RALYL: variants seen among roughly 807,000 people sequenced by gnomAD.
RALYL encodes the protein RNA-binding Raly-like protein.
RALYL carries 29 observed loss-of-function variants against 35.1 expected under a neutral mutation model. That is an observed-to-expected ratio of 0.83 (90% confidence interval 0.61 to 1.13). The LOEUF (loss-of-function observed/expected upper bound fraction) is 1.13, where lower values mean the gene tolerates loss of function less well. RALYL is among the 50% of genes most tolerant of loss of function. RALYL has a pLI of 0.00. For missense variants in RALYL, 359 were observed against 360.4 expected (o/e 1.00, Z 0.03); for synonymous variants, 120 against 127.6 (o/e 0.94, Z 0.40).
At chr8:84,379,426 A>G (rs1214719691) in intron 1 of RALYL, among the ~76,000 whole-genome samples, 1 of 151,926 alleles carries the variant, frequency 6.6e-6, no homozygotes, top group Non-Finnish European at 1.5e-5. Flanking sequence ...AGTGTTTGTG[A>G]GTAAAAATGT....
chr8:84,319,344 G>T (rs942931426), intron 1 of RALYL, among the ~76,000 whole-genome samples: 1 of 152,072 alleles, frequency 6.6e-6, no homozygotes, highest in Non-Finnish European at 1.5e-5. Flanking sequence ...ATTTTTCAAA[G>T]AAAAGTTTCA....
chr8:84,455,587 A>G (rs751383663), intron 1 of RALYL, among the ~76,000 whole-genome samples: 5 of 152,056 alleles, frequency 3.3e-5, no homozygotes, highest in Non-Finnish European at 7.4e-5. Context: ...GGGTTTAAAT[A>G]TTGAAAAATG....
intron 2 of RALYL, among the ~76,000 whole-genome samples, chr8:84,696,390 C>G (rs1022467315): frequency 1.3e-4 from 19 of 151,828 alleles, no homozygotes; most frequent in African/African-American, 4.6e-4. Flanking sequence ...TAGGTAGTCA[C>G]AAGCTGAAAT....
At position 84,581,109 on chromosome 8, in the gene RALYL, G is replaced by T. The variant is rs569745716; in HGVS notation, c.256+51532G>T. 2.6e-5 allele frequency among the ~76,000 whole-genome samples: 4 copies of T among 152,302 alleles called. No homozygotes were observed. The East Asian group carries it at 7.7e-4, about 29-fold the overall frequency. On this transcript the variant is annotated intron_variant, in intron 2 of 8. Transcript: ENST00000521268. ...CATGTTGGGGCTCAGGACTCCAAGT[G>T]CAAGTGTTGCAGCAAATATGACCAA... is the stretch of plus-strand genomic sequence containing the variant.
chr8:84,431,694 C>G (rs1237111379), intron 1 of RALYL, among the ~76,000 whole-genome samples: 10 of 152,098 alleles, frequency 6.6e-5, no homozygotes, highest in African/African-American at 1.9e-4. Flanking sequence ...ATAATGTCCT[C>G]CAGGTTCATT....
chr8:84,779,495 T>C (rs1244323608), intron 3 of RALYL, among the ~76,000 whole-genome samples: 1 of 152,188 alleles, frequency 6.6e-6, no homozygotes, highest in East Asian at 1.9e-4. Flanking sequence ...TAAAAATCAA[T>C]CATCTGGTAC....
chr8:84,384,514 G>A (rs963095876), intron 1 of RALYL, among the ~76,000 whole-genome samples: 1 of 151,642 alleles, frequency 6.6e-6, no homozygotes, highest in Non-Finnish European at 1.5e-5. Context: ...TCTGGATAAA[G>A]AATAATACAC....
At chr8:84,857,995 C>T (rs1320552248) in intron 5 of RALYL, among the ~76,000 whole-genome samples, 2 of 151,942 alleles carry the variant, frequency 1.3e-5, no homozygotes, top group Non-Finnish European at 2.9e-5. Context: ...AATTAAATTA[C>T]CTTTGTCCAA....
At chr8:84,403,659 T>TATATGGGCTCTTTTTTGGTTCC (rs1057092479) in intron 1 of RALYL, among the ~76,000 whole-genome samples, 2 of 150,888 alleles carry the variant, frequency 1.3e-5, no homozygotes, top group African/African-American at 4.9e-5. Context: ...TCATCTTGGC[T>TATATGGGCTCTTTTTTGGTTCC]ATATGGGCTC....
intron 2 of RALYL, among the ~76,000 whole-genome samples, chr8:84,536,312 T>A (rs2059603406): frequency 6.6e-6 from 1 of 152,218 alleles, no homozygotes; most frequent in Non-Finnish European, 1.5e-5. Context: ...CAGGACGATC[T>A]TCAAATATAT....
At chr8:84,559,326 T>G (rs2061338750) in intron 2 of RALYL, among the ~76,000 whole-genome samples, 2 of 152,022 alleles carry the variant, frequency 1.3e-5, no homozygotes, top group Admixed American at 1.3e-4. Flanking sequence ...GAAGTCAGAG[T>G]GCAATTGTCT....
chr8:84,478,931 A>G (rs1355250680), intron 1 of RALYL, among the ~76,000 whole-genome samples: 11 of 142,570 alleles, frequency 7.7e-5, no homozygotes, highest in Admixed American at 5.8e-4. Context: ...CTAAAAATAC[A>G]AAACATTAGC....
chr8:84,604,063 T>C (rs763705238), intron 2 of RALYL, among the ~76,000 whole-genome samples: 5 of 152,130 alleles, frequency 3.3e-5, no homozygotes, highest in Non-Finnish European at 5.9e-5. Context: ...AAGCTAATCA[T>C]AGCTTCTTCC....
In RALYL at chr8:84,270,509, G is replaced by A. The variant is rs568323247; in HGVS notation, c.-24+86085G>A. On this transcript the variant is annotated intron_variant, in intron 1 of 8. Transcript: ENST00000521268. ...TATGTCCAAAGGAGTGCAACATGAG[G>A]AAACTTCTGGCTTGAGGTTTCGATT... 1.0e-3 allele frequency among the ~76,000 whole-genome samples: 154 copies of A among 151,918 alleles called. 3 individuals are homozygous for A. In the South Asian group the frequency reaches 0.029, roughly 29 times the overall value.
At chr8:84,586,905 A>G (rs1226291948) in intron 2 of RALYL, among the ~76,000 whole-genome samples, 1 of 152,154 alleles carries the variant, frequency 6.6e-6, no homozygotes, top group East Asian at 1.9e-4. Context: ...CTGTTAGAAA[A>G]TGACTCATTT....
intron 1 of RALYL, among the ~76,000 whole-genome samples, chr8:84,308,144 C>T (rs1842164364): frequency 6.8e-6 from 1 of 146,434 alleles, no homozygotes; most frequent in South Asian, 2.2e-4. Context: ...AAAAGGGAAC[C>T]AACAAAGATT....
Position 84,248,123 on chromosome 8 carries a change from C to T in RALYL, c.-24+63699C>T, listed in dbSNP as rs564481320. Among the ~76,000 whole-genome samples, 4 of 152,026 alleles carry T rather than the reference C, an allele frequency of 2.6e-5. No homozygotes were observed. In the South Asian group the frequency reaches 6.2e-4, roughly 24 times the overall value. On this transcript the variant is annotated intron_variant, in intron 1 of 8. Coordinates refer to ENST00000521268, the MANE Select transcript of RALYL (RefSeq NM_173848.7). ...TTTGCTTAGGGGAGGGCTTTATGTA[C>T]CTGAGAGGAAAAAATAGGAGGATTA...
intron 2 of RALYL, among the ~76,000 whole-genome samples, chr8:84,645,335 T>C (rs949104878): frequency 6.6e-6 from 1 of 151,912 alleles, no homozygotes; most frequent in Non-Finnish European, 1.5e-5. Flanking sequence ...TATGAAGATT[T>C]CTATTCCAGC....
intron 2 of RALYL, among the ~76,000 whole-genome samples, chr8:84,622,617 T>C (rs1460140759): frequency 6.6e-6 from 1 of 152,102 alleles, no homozygotes; most frequent in Non-Finnish European, 1.5e-5. Flanking sequence ...ATATAATTAT[T>C]CCAGGGAAGT....
Sources: allele counts gnomAD v4.1 joint callset (sites outside exome capture counted in the v4.1 genomes callset), GRCh38; gene constraint gnomAD v4.1.1; transcripts MANE v1.5; gene names NCBI Gene and HGNC (gene_info 2026-07-23, HGNC 2026-07-21).